Variants in COA1 observed in about 807,000 individuals in gnomAD.
COA1 encodes cytochrome c oxidase assembly factor 1 homolog.
Under a neutral mutation model 16.0 loss-of-function variants are expected in COA1, and 13 were observed. That is an observed-to-expected ratio of 0.81 (90% CI 0.53 to 1.29). The LOEUF is 1.29. COA1 is among the 50% of genes most tolerant of loss of function. The pLI, the probability that COA1 is intolerant of heterozygous loss-of-function variation, is 0.00. For missense variants in COA1, 179 were observed against 177.0 expected, an observed-to-expected ratio of 1.01 and a Z score of -0.06; for synonymous variants, 65 against 65.7, an observed-to-expected ratio of 0.99 and a Z score of 0.05.
chr7:43,627,044 A>T (rs2084631172), intron 6 of COA1, among the ~76,000 whole-genome samples: 1 of 152,210 alleles, frequency 6.6e-6, no homozygotes, highest in South Asian at 2.1e-4. Flanking sequence ...AAAGCTGTTA[A>T]TGTTCCTTTT....
chr7:43,714,306 T>C (rs987743938), intron 1 of COA1, among the ~76,000 whole-genome samples: 1 of 152,192 alleles, frequency 6.6e-6, no homozygotes, highest in Non-Finnish European at 1.5e-5. Flanking sequence ...TATGGCTTAT[T>C]ACTAGTATGA....
At chr7:43,656,765 G>GCA (rs1348938850) in intron 1 of COA1, among the ~76,000 whole-genome samples, 1 of 152,072 alleles carries the variant, frequency 6.6e-6, no homozygotes, top group African/African-American at 2.4e-5. Flanking sequence ...ACATAACATA[G>GCA]CAAATATCAT....
At chr7:43,613,874 A>C (rs887453681) in intron 6 of COA1, among the ~76,000 whole-genome samples, 1 of 152,126 alleles carries the variant, frequency 6.6e-6, no homozygotes, top group Non-Finnish European at 1.5e-5. Flanking sequence ...TTAATTTCTA[A>C]AAATTAATTT....
In COA1 at chr7:43,623,521, T is replaced by C. The variant is rs773488358; in HGVS notation, c.*134-14026A>G. 5.2e-6 allele frequency: 8 copies of C among 1,528,812 alleles called. No individual in the cohort carries two copies. The African/African-American group carries it at 9.7e-5, about 18-fold the overall frequency. 94.7% of individuals were successfully genotyped at this position (1,528,812 alleles called of 1,614,324 possible). On this transcript the variant is annotated intron_variant and NMD_transcript_variant, in intron 6 of 6. Transcript: ENST00000415076. ...TAGTTTTTTATCTCTTAGAGCAAATTAGGAATTTTTTTCCACAAAACTAAA... is the reference window on the plus strand; with the variant it reads ...TAGTTTTTTATCTCTTAGAGCAAATCAGGAATTTTTTTCCACAAAACTAAA...
chr7:43,644,791 CAGAG>C (rs1158900674), intron 4 of COA1, among the ~76,000 whole-genome samples: 1 of 23,704 alleles, frequency 4.2e-5, no homozygotes, highest in African/African-American at 1.5e-4. Flanking sequence ...GGCAGGCAGG[CAGAG>C]AGACAGAGAG....
chr7:43,708,839 A>C (rs186611260), intron 1 of COA1, among the ~76,000 whole-genome samples: 4 of 152,184 alleles, frequency 2.6e-5, no homozygotes. Context: ...ACAGAGTTGC[A>C]ACCATCTTTT....
intron 6 of COA1, chr7:43,624,919 T>C (rs917902473): frequency 7.9e-7 from 1 of 1,271,838 alleles, no homozygotes; most frequent in Non-Finnish European, 1.1e-6. Flanking sequence ...GGCCAAATGG[T>C]ACATGTACTG....
chr7:43,661,650 A>AAG (rs1447816261), intron 1 of COA1, among the ~76,000 whole-genome samples: 1 of 148,672 alleles, frequency 6.7e-6, no homozygotes, highest in Non-Finnish European at 1.5e-5. Flanking sequence ...AAAAAAAAAA[A>AAG]GAGACATTTC....
At chr7:43,723,778 T>C (rs1390764235) in intron 1 of COA1, among the ~76,000 whole-genome samples, 2 of 151,990 alleles carry the variant, frequency 1.3e-5, no homozygotes, top group Non-Finnish European at 2.9e-5. Flanking sequence ...AATATAAAAA[T>C]TAGCCCGGCG....
intron 6 of COA1, chr7:43,631,101 G>A (rs1296153529): frequency 6.6e-6 from 1 of 151,878 alleles, no homozygotes. Context: ...ACTTCCTTTA[G>A]GGTTGGTCTT....
intron 6 of COA1, among the ~76,000 whole-genome samples, chr7:43,616,928 C>T (rs2083406892): frequency 6.6e-6 from 1 of 152,142 alleles, no homozygotes; most frequent in Non-Finnish European, 1.5e-5. Flanking sequence ...GCCTCAATTT[C>T]GTTTTTCATA....
chr7:43,631,386 T>G (rs1198340605), intron 6 of COA1: 1 of 152,262 alleles, frequency 6.6e-6, no homozygotes, highest in African/African-American at 2.4e-5. Flanking sequence ...CCACCATGCC[T>G]GGCTAATTTT....
chr7:43,706,769 C>T (rs2094996810), intron 1 of COA1, among the ~76,000 whole-genome samples: 1 of 150,332 alleles, frequency 6.7e-6, no homozygotes, highest in Non-Finnish European at 1.5e-5. Flanking sequence ...ACTTGAGAGG[C>T]TGAGATGGGA....
chr7:43,654,694 T>A (rs977005799), intron 1 of COA1, among the ~76,000 whole-genome samples: 4 of 152,220 alleles, frequency 2.6e-5, no homozygotes, highest in African/African-American at 9.6e-5. Flanking sequence ...TTGCTTCTGA[T>A]GTTAAATAAC....
intron 6 of COA1, among the ~76,000 whole-genome samples, chr7:43,613,275 G>T (rs1199739474): frequency 6.6e-6 from 1 of 152,040 alleles, no homozygotes; most frequent in Admixed American, 6.6e-5. Flanking sequence ...ACTTGAATTG[G>T]CCCCCCACCA....
At chr7:43,621,815 A>C in intron 6 of COA1, among the ~76,000 whole-genome samples, 1 of 152,214 alleles carries the variant, frequency 6.6e-6, no homozygotes. Context: ...AAAATGATTC[A>C]AAAGTACATA....
At chr7:43,621,614 C>T (rs1380880593) in intron 6 of COA1, among the ~76,000 whole-genome samples, 4 of 152,192 alleles carry the variant, frequency 2.6e-5, no homozygotes, top group Non-Finnish European at 4.4e-5. Flanking sequence ...ACCACAGGCA[C>T]GTGCCAGCAC....
chr7:43,621,897 C>T (rs2083931736), intron 6 of COA1, among the ~76,000 whole-genome samples: 1 of 152,196 alleles, frequency 6.6e-6, no homozygotes, highest in African/African-American at 2.4e-5. Flanking sequence ...GTTTATGCCT[C>T]CCACAGTCAT....
At chr7:43,640,517 C>T in intron 5 of COA1, 56 bp downstream of exon 5, 1 of 1,219,970 alleles carries the variant, frequency 8.2e-7, no homozygotes, top group Non-Finnish European at 1.2e-6. Flanking sequence ...GTTGGGGTTG[C>T]TTTCATCAGG....
Sources: gnomAD v4.1 joint callset for allele counts (sites outside exome capture counted in the v4.1 genomes callset) on GRCh38, gnomAD v4.1.1 for gene constraint, MANE v1.5 for transcripts, NCBI Gene and HGNC (gene_info 2026-07-23, HGNC 2026-07-21) for gene names.